The following GAD1 variants were observed in gnomAD, a reference collection of about 807,000 sequenced individuals.
The protein encoded by GAD1 is glutamate decarboxylase 1.
In GAD1, 35 loss-of-function variants were observed where a neutral mutation model predicts 75.2. The ratio of observed to expected loss-of-function variants is 0.47; its 90% CI spans 0.36 to 0.62. GAD1 has a LOEUF of 0.62. Ranked by LOEUF, GAD1 falls within the 20% of genes least tolerant of loss-of-function variation. GAD1 has a pLI of 0.00. For synonymous variants in GAD1, 257 were observed against 271.9 expected (o/e 0.95, Z 0.54); for missense variants, 490 against 758.5 (o/e 0.65, Z 4.16).
intron 3 of GAD1, among the ~76,000 whole-genome samples, chr2:170,825,569 G>C (rs1375843427): frequency 6.6e-6 from 1 of 152,200 alleles, no homozygotes; most frequent in African/African-American, 2.4e-5. Context: ...GCTGGAGCCA[G>C]GTGCTTTCTA....
intron 2 of GAD1, among the ~76,000 whole-genome samples, chr2:170,819,763 G>A (rs990707486): frequency 6.6e-6 from 1 of 152,122 alleles, no homozygotes; most frequent in Non-Finnish European, 1.5e-5. Context: ...GGCTTAAGAA[G>A]GATAGTGTGG....
chr2:170,836,956 C>A, intron 6 of GAD1, 73 bp downstream of exon 6: 1 of 1,023,760 alleles, frequency 9.8e-7, no homozygotes, highest in East Asian at 2.4e-5. Context: ...AGTTCAGTCC[C>A]AGTGGTTCTA....
At chr2:170,824,929 C>T (rs992138859) in intron 3 of GAD1, among the ~76,000 whole-genome samples, 19 of 149,894 alleles carry the variant, frequency 1.3e-4, no homozygotes, top group Non-Finnish European at 2.8e-4. Flanking sequence ...AGCCTACACT[C>T]GTGTGTGTGT....
At position 170,860,420 on chromosome 2, in the gene GAD1, A is replaced by T. The variant is rs1225738609; in HGVS notation, c.*538A>T. On this transcript the variant is annotated 3_prime_UTR_variant, in exon 17 of 17. Coordinates refer to ENST00000358196, the MANE Select transcript of GAD1 (RefSeq NM_000817.3). Reference sequence around the variant, plus strand: ...CCCCATTAGTATCCTGTTAGGGGAAAATAGTAGCAGAGTCATTGTTACAGG... The same window carrying T: ...CCCCATTAGTATCCTGTTAGGGGAATATAGTAGCAGAGTCATTGTTACAGG... 1 of 158,724 alleles carries T rather than the reference A, an allele frequency of 6.3e-6. No individual in the cohort carries two copies. Among genetic ancestry groups the T allele is most frequent in the African/African-American group, 2.4e-5 (1 of 41,504 alleles). The allele number at this position is 158,724 out of a possible 1,614,324, so 9.8% of individuals were successfully genotyped here. A position where few individuals can be genotyped will look rare whatever the true frequency, so the allele number is the denominator to read the frequency against.
At chr2:170,838,069 T>G (rs181063479) in intron 6 of GAD1, among the ~76,000 whole-genome samples, 6 of 152,384 alleles carry the variant, frequency 3.9e-5, no homozygotes, top group Admixed American at 3.9e-4. Flanking sequence ...TAAGGATTCC[T>G]GTTTTCTTGG....
chr2:170,814,994 G>C (rs1701669341), upstream of GAD1, among the ~76,000 whole-genome samples: 2 of 152,268 alleles, frequency 1.3e-5, no homozygotes, highest in Admixed American at 6.5e-5. Context: ...AATGAAGAAC[G>C]AGGGGCACCG....
intron 5 of GAD1, among the ~76,000 whole-genome samples, chr2:170,832,507 T>A (rs1374927929): frequency 6.6e-6 from 1 of 152,158 alleles, no homozygotes; most frequent in African/African-American, 2.4e-5. Flanking sequence ...AAGACCCGAT[T>A]TCCAAATAAG....
upstream of GAD1, chr2:170,816,549 G>A (rs1477819181): frequency 1.3e-5 from 2 of 151,794 alleles, no homozygotes; most frequent in Admixed American, 6.6e-5. Flanking sequence ...AAGAAGAAAC[G>A]CTCAGAAAGG....
intron 14 of GAD1, among the ~76,000 whole-genome samples, chr2:170,854,984 T>C (rs1235382912): frequency 6.6e-6 from 1 of 152,220 alleles, no homozygotes; most frequent in Non-Finnish European, 1.5e-5. Flanking sequence ...GTTTCAAAAA[T>C]ATTTGTATGC....
At chr2:170,823,605 G>C (rs1215298313) in intron 3 of GAD1, among the ~76,000 whole-genome samples, 1 of 152,100 alleles carries the variant, frequency 6.6e-6, no homozygotes, top group Admixed American at 6.5e-5. Flanking sequence ...GGGGCAGCCG[G>C]CGGCCGCGGA....
intron 6 of GAD1, among the ~76,000 whole-genome samples, chr2:170,839,885 C>CG (rs2105791702): frequency 6.6e-6 from 1 of 152,250 alleles, no homozygotes; most frequent in African/African-American, 2.4e-5. Context: ...TAACCCTTTG[C>CG]TATGAGGTTA....
chr2:170,852,946 C>T (rs1702776968), intron 13 of GAD1, 154 bp downstream of exon 13: 1 of 720,804 alleles, frequency 1.4e-6, no homozygotes, highest in Non-Finnish European at 2.5e-6. Context: ...CCTGCCCTTG[C>T]AGCTAACCTG....
At chr2:170,846,303 C>G (rs1443461444) in intron 10 of GAD1, among the ~76,000 whole-genome samples, 1 of 152,132 alleles carries the variant, frequency 6.6e-6, no homozygotes, top group African/African-American at 2.4e-5. Flanking sequence ...CTTCATTGTG[C>G]CAAGTGATTG....
upstream of GAD1, among the ~76,000 whole-genome samples, chr2:170,815,173 C>A (rs1461093610): frequency 1.3e-5 from 2 of 152,136 alleles, no homozygotes; most frequent in Non-Finnish European, 2.9e-5. Context: ...CCACTTCAAG[C>A]AGCGCAGAGC....
intron 6 of GAD1, 128 bp from the exon 7 acceptor site, chr2:170,843,917 A>G (rs550563922): frequency 3.0e-6 from 2 of 676,594 alleles, no homozygotes; most frequent in African/African-American, 3.6e-5. Flanking sequence ...GAAATGAATC[A>G]TGTTAGTGGT....
At position 170,858,849 on chromosome 2, in the gene GAD1, A is replaced by G; in HGVS notation, c.1567A>G (p.Arg523Gly). 6.2e-7 allele frequency: 1 copy of G among 1,614,218 alleles called. No homozygotes were observed. The highest frequency in any genetic ancestry group is 8.5e-7 in the Non-Finnish European group (1 of 1,180,020). ...VCFWYIPQSL[R>G]GVPDSPQRRE... Reference sequence around the variant, plus strand: ...TTTTTGGTATATTCCACAAAGCCTCAGGGGTGTGCCAGACAGCCCTCAACG... The same window carrying G: ...TTTTTGGTATATTCCACAAAGCCTCGGGGGTGTGCCAGACAGCCCTCAACG... Residue 523 changes from arginine (R) to glycine (G), a missense_variant, in exon 16 of 17, where the codon AGG becomes GGG. Physicochemically the swap from Arg to Gly is moderately radical, Grantham distance 125 (BLOSUM62 -2). This residue lies in a region of GAD1 where 324 missense variants were observed against 523.9 expected (regional missense o/e 0.62). Transcript: ENST00000358196.
At position 170,860,030 on chromosome 2, in the gene GAD1, C is replaced by T. The variant is rs905953001; in HGVS notation, c.*148C>T. ...AATATTGTTAAAACCTTACTTAAAG[C>T]TTGTTTGTTCTAGTTAGCAGGAAAT... is the stretch of plus-strand genomic sequence containing the variant. On this transcript the variant is annotated 3_prime_UTR_variant, in exon 17 of 17. Coordinates refer to ENST00000358196, the MANE Select transcript of GAD1 (RefSeq NM_000817.3). The T allele has an allele frequency of 2.4e-5, 19 of 795,792 alleles. No homozygotes were observed. In the African/African-American group the frequency reaches 2.4e-4, roughly 10 times the overall value. 49.3% of individuals were successfully genotyped at this position (795,792 alleles called of 1,614,324 possible).
intron 14 of GAD1, among the ~76,000 whole-genome samples, chr2:170,854,569 T>G (rs1274488235): frequency 2.6e-5 from 4 of 152,114 alleles, no homozygotes; most frequent in African/African-American, 9.7e-5. Context: ...CCCGGCTAAT[T>G]TTTTAAAAAA....
At chr2:170,815,628 G>C (rs544257515), upstream of GAD1, among the ~76,000 whole-genome samples, 1 of 152,342 alleles carries the variant, frequency 6.6e-6, no homozygotes, top group East Asian at 1.9e-4. Context: ...GCACCACCTG[G>C]GGAGAGGGGG....
Sources: gnomAD v4.1 joint callset for allele counts (sites outside exome capture counted in the v4.1 genomes callset) on GRCh38, gnomAD v4.1.1 for gene constraint, gnomAD v4.1.1 regional missense constraint, MANE v1.5 for transcripts, NCBI Gene and HGNC (gene_info 2026-07-23, HGNC 2026-07-21) for gene names.